The following TNRC6B variants were observed in gnomAD, a reference collection of about 807,000 sequenced individuals.
TNRC6B encodes the protein trinucleotide repeat-containing gene 6B protein.
In TNRC6B, 52 loss-of-function variants were observed where a neutral mutation model predicts 203.6. That is an observed-to-expected ratio of 0.26 (90% CI 0.20 to 0.32). The LOEUF (loss-of-function observed/expected upper bound fraction) is 0.32. Ranked by LOEUF, TNRC6B falls within the 10% of genes least tolerant of loss-of-function variation. The pLI, the probability that TNRC6B is intolerant of heterozygous loss-of-function variation, is 1.00. For synonymous variants in TNRC6B, 838 were observed against 845.7 expected, an observed-to-expected ratio of 0.99 and a Z score of 0.16; for missense variants, 1,923 against 2,286.2, an observed-to-expected ratio of 0.84 and a Z score of 3.24.
At chr22:40,146,130 G>A (rs2068693619) in intron 3 of TNRC6B, among the ~76,000 whole-genome samples, 1 of 152,332 alleles carries the variant, frequency 6.6e-6, no homozygotes, top group South Asian at 2.1e-4. Context: ...GCACATCCTG[G>A]TCAAACAACT....
chr22:40,199,014 C>G (rs1001641020), intron 1 of TNRC6B, among the ~76,000 whole-genome samples: 2 of 151,936 alleles, frequency 1.3e-5, no homozygotes, highest in South Asian at 4.1e-4. Context: ...TAACATGAGC[C>G]TGGAACATCT....
intron 12 of TNRC6B, among the ~76,000 whole-genome samples, chr22:40,299,253 T>C (rs2070990311): frequency 6.6e-6 from 1 of 151,920 alleles, no homozygotes; most frequent in Non-Finnish European, 1.5e-5. Flanking sequence ...TTTTTTTTTT[T>C]TTTGAGATGG....
intron 22 of TNRC6B, among the ~76,000 whole-genome samples, 163 bp from the exon 23 acceptor site, chr22:40,322,691 G>C (rs1206969852): frequency 2.0e-5 from 3 of 152,220 alleles, no homozygotes; most frequent in African/African-American, 7.2e-5. Context: ...TGGACCCAGA[G>C]GTCTTGGGTG....
At chr22:40,199,497 A>C (rs2069382115) in intron 1 of TNRC6B, among the ~76,000 whole-genome samples, 1 of 152,082 alleles carries the variant, frequency 6.6e-6, no homozygotes, top group Admixed American at 6.6e-5. Context: ...TGATAGGCAA[A>C]CCTGGTTGGA....
At chr22:40,095,692 C>G (rs948127647) in intron 1 of TNRC6B, among the ~76,000 whole-genome samples, 2 of 150,470 alleles carry the variant, frequency 1.3e-5, no homozygotes, top group African/African-American at 4.9e-5. Context: ...CTCATGCCAT[C>G]TAGTAGGCAA....
chr22:40,194,766 AGAG>A (rs924495819), intron 1 of TNRC6B, among the ~76,000 whole-genome samples: 20 of 152,176 alleles, frequency 1.3e-4, no homozygotes, highest in Non-Finnish European at 2.6e-4. Context: ...CCCCACCAAT[AGAG>A]AAGAAAAGCC....
rs1288530012 is a variant in TNRC6B at position 40,323,507 on chromosome 22, A to G, written c.*266A>G. 3 of 351,036 alleles carry G rather than the reference A, an allele frequency of 8.5e-6. No individual in the cohort carries two copies. Among genetic ancestry groups the G allele is most frequent in the African/African-American group, 2.1e-5 (1 of 46,612 alleles). The allele number at this position is 351,036 out of a possible 1,614,324, so 21.7% of individuals were successfully genotyped here. A position where few individuals can be genotyped will look rare whatever the true frequency, so the allele number is the denominator to read the frequency against. ...TTGAATCATGAACGCCAACCTAGAA[A>G]GACAATGTGAAGCAAGTACACATAC... On this transcript the variant is annotated 3_prime_UTR_variant, in exon 23 of 23. Transcript: ENST00000454349.
chr22:40,319,121 G>A (rs1569068812), intron 21 of TNRC6B, among the ~76,000 whole-genome samples: 1 of 152,100 alleles, frequency 6.6e-6, no homozygotes, highest in East Asian at 1.9e-4. Context: ...ATGAATATGG[G>A]GGTGGCCGTG....
chr22:40,257,867 A>G (rs148987895), intron 3 of TNRC6B, among the ~76,000 whole-genome samples: 56 of 152,022 alleles, frequency 3.7e-4, no homozygotes, highest in Middle Eastern at 3.4e-3. Context: ...TGTTAAACAT[A>G]CAAAAATTAG....
At chr22:40,094,319 C>T (rs916753300) in intron 1 of TNRC6B, among the ~76,000 whole-genome samples, 1 of 151,716 alleles carries the variant, frequency 6.6e-6, no homozygotes, top group Non-Finnish European at 1.5e-5. Flanking sequence ...AGAATGCTGC[C>T]AATTAATTGT....
rs2071398511 is a variant in TNRC6B at position 40,326,071 on chromosome 22, A to G, written c.*2830A>G. ...AGTGCGTATATATATACATATAAAT[A>G]TATATTTTAGATGAAGACTAACTCT... On this transcript the variant is annotated 3_prime_UTR_variant, in exon 23 of 23. Transcript: ENST00000454349. 1 of 152,416 alleles carries G rather than the reference A, an allele frequency of 6.6e-6. No individual in the cohort carries two copies. The highest frequency in any genetic ancestry group is 1.5e-5 in the Non-Finnish European group (1 of 68,024). 9.4% of individuals were successfully genotyped at this position (152,416 alleles called of 1,614,324 possible).
chr22:40,171,042 A>ATATATATACACCTATATAGGTG (rs778824649), intron 4 of TNRC6B, among the ~76,000 whole-genome samples: 4 of 18,778 alleles, frequency 2.1e-4, no homozygotes, highest in Admixed American at 1.8e-3. Flanking sequence ...ATATAGGTGT[A>ATATATATACACCTATATAGGTG]TATATATATA....
chr22:40,266,313 A>G lies in TNRC6B; in HGVS notation c.2083A>G (p.Thr695Ala), dbSNP rs1169806467. ...ASTEWKDPKN[T>A]GGWNDYKNNN... ...TACAGAGTGGAAAGACCCCAAGAAC[A>G]CAGGAGGCTGGAATGACTACAAGAA... Residue 695 changes from threonine (T) to alanine (A), a missense_variant, in exon 5 of 23, where the codon ACA becomes GCA. By Grantham distance (58) the Thr-to-Ala change is moderately conservative. Coordinates refer to ENST00000454349, the MANE Select transcript of TNRC6B (RefSeq NM_001162501.2). 6.3e-7 allele frequency: 1 copy of G among 1,597,742 alleles called. No individual in the cohort carries two copies.
chr22:40,284,625 A>G (rs2146527049), intron 11 of TNRC6B, among the ~76,000 whole-genome samples: 1 of 152,320 alleles, frequency 6.6e-6, no homozygotes, highest in Non-Finnish European at 1.5e-5. Context: ...TAACAGTAGA[A>G]AGACAGAATG....
At chr22:40,284,114 A>C (rs1377478752) in intron 11 of TNRC6B, among the ~76,000 whole-genome samples, 1 of 152,232 alleles carries the variant, frequency 6.6e-6, no homozygotes, top group Non-Finnish European at 1.5e-5. Context: ...GTAAGACAGC[A>C]GCAGCAGAGA....
At chr22:40,255,948 G>C (rs2070270836) in intron 3 of TNRC6B, among the ~76,000 whole-genome samples, 1 of 152,170 alleles carries the variant, frequency 6.6e-6, no homozygotes, top group South Asian at 2.1e-4. Context: ...CGCCTCCCAG[G>C]TTCAAGCGAT....
At chr22:40,121,209 TCCTCCTTTCCCTCCTC>T (rs1156985787) in intron 2 of TNRC6B, among the ~76,000 whole-genome samples, 2 of 151,656 alleles carry the variant, frequency 1.3e-5, no homozygotes, top group Non-Finnish European at 2.9e-5. Context: ...CAGTCTTCCT[TCCTCCTTTCCCTCCTC>T]CCTCCCTCCC....
At chr22:40,177,394 G>A (rs1480700781), upstream of TNRC6B, among the ~76,000 whole-genome samples, 2 of 152,166 alleles carry the variant, frequency 1.3e-5, no homozygotes, top group African/African-American at 2.4e-5. Context: ...TGTGATTTGG[G>A]ATAAGTCACT....
At chr22:40,271,950 C>T (rs945466579) in intron 6 of TNRC6B, among the ~76,000 whole-genome samples, 2 of 149,680 alleles carry the variant, frequency 1.3e-5, no homozygotes, top group Non-Finnish European at 3.0e-5. Flanking sequence ...TTAGACCTCT[C>T]TTATCTTTTC....
Sources: allele counts gnomAD v4.1 joint callset (sites outside exome capture counted in the v4.1 genomes callset), GRCh38; gene constraint gnomAD v4.1.1; transcripts MANE v1.5; gene names NCBI Gene and HGNC (gene_info 2026-07-23, HGNC 2026-07-21).